IQSEC3: variants seen among roughly 807,000 people sequenced by gnomAD.
IQSEC3 encodes the protein IQ motif and Sec7 domain ArfGEF 3.
A neutral mutation model predicts 105.4 loss-of-function variants in IQSEC3; 50 were observed. That is an observed-to-expected ratio of 0.47 (90% CI 0.38 to 0.60). The LOEUF is 0.60. Ranked by LOEUF, IQSEC3 falls within the 20% of genes least tolerant of loss-of-function variation. IQSEC3 has a pLI of 0.00. For synonymous variants in IQSEC3, 708 were observed against 746.0 expected, an observed-to-expected ratio of 0.95 and a Z score of 0.83; for missense variants, 1,415 against 1,630.0, an observed-to-expected ratio of 0.87 and a Z score of 2.27.
At chr12:88,758 A>G (rs1863994270) in intron 1 of IQSEC3, among the ~76,000 whole-genome samples, 1 of 152,038 alleles carries the variant, frequency 6.6e-6, no homozygotes, top group African/African-American at 2.4e-5. Context: ...AAGGAAATCT[A>G]CCTCTCCCTC....
In IQSEC3 at chr12:177,402, G is replaced by T. The variant is rs1166701476; in HGVS notation, c.*2369G>T. The stretch of plus-strand genomic sequence containing the variant: ...AGCTGAAGCCCCAATCTTCCAAATC[G>T]GAACCAGCAAGTCTTAGGGCTGGCA... On this transcript the variant is annotated 3_prime_UTR_variant, in exon 14 of 14. Coordinates refer to ENST00000538872, the MANE Select transcript of IQSEC3 (RefSeq NM_001170738.2). This position sits in a 1 kb window ranked among gnomAD's most constrained non-coding sequence, Gnocchi z 5.3. 6.6e-6 allele frequency: 1 copy of T among 152,366 alleles called. No homozygotes were observed. The highest frequency in any genetic ancestry group is 1.9e-4 in the East Asian group (1 of 5,172). The allele number at this position is 152,366 out of a possible 1,614,324, so 9.4% of individuals were successfully genotyped here. A position where few individuals can be genotyped will look rare whatever the true frequency, so the allele number is the denominator to read the frequency against.
At chr12:147,161 G>C (rs1480880177) in intron 5 of IQSEC3, among the ~76,000 whole-genome samples, 1 of 152,170 alleles carries the variant, frequency 6.6e-6, no homozygotes, top group East Asian at 1.9e-4. Context: ...CTGTGTGATA[G>C]CTGTGGCTGC....
intron 2 of IQSEC3, among the ~76,000 whole-genome samples, chr12:114,352 T>G (rs772253933): frequency 1.3e-5 from 2 of 152,210 alleles, no homozygotes; most frequent in Non-Finnish European, 2.9e-5. Context: ...CTGAACAACA[T>G]GCTTGCCATA....
At chr12:161,368 G>A (rs1866883026) in intron 7 of IQSEC3, among the ~76,000 whole-genome samples, 1 of 152,112 alleles carries the variant, frequency 6.6e-6, no homozygotes, top group African/African-American at 2.4e-5. Flanking sequence ...GGTGGGACAG[G>A]GGTGTCCTCG....
chr12:121,457 A>G (rs535462308), intron 2 of IQSEC3, among the ~76,000 whole-genome samples: 1 of 152,214 alleles, frequency 6.6e-6, no homozygotes, highest in Non-Finnish European at 1.5e-5. Context: ...GTGCCCTGGC[A>G]AAGCACCAAA....
At chr12:123,300 G>A (rs1017671625) in intron 2 of IQSEC3, among the ~76,000 whole-genome samples, 2 of 152,076 alleles carry the variant, frequency 1.3e-5, no homozygotes, top group African/African-American at 4.8e-5. Flanking sequence ...AGCCCGGTGT[G>A]GTGGTGCGTA....
chr12:86,137 C>T lies in IQSEC3; in HGVS notation c.555-13009C>T, dbSNP rs137981688. ...GAGTGGAAAAAATAGATGTTGCATTCCACTAATGTCTCAGGGAAGCTGCTG... is the reference window on the plus strand; with the variant it reads ...GAGTGGAAAAAATAGATGTTGCATTTCACTAATGTCTCAGGGAAGCTGCTG... On this transcript the variant is annotated intron_variant, in intron 1 of 13. Transcript: ENST00000538872. Among the ~76,000 whole-genome samples, 4 of 152,274 alleles carry T rather than the reference C, an allele frequency of 2.6e-5. No homozygotes were observed. In the East Asian group the frequency reaches 7.7e-4, roughly 29 times the overall value.
At chr12:84,604 T>C (rs1194864776) in intron 1 of IQSEC3, among the ~76,000 whole-genome samples, 1 of 152,220 alleles carries the variant, frequency 6.6e-6, no homozygotes, top group African/African-American at 2.4e-5. Flanking sequence ...GAAGCCTGCA[T>C]GTATATGTGT....
At chr12:126,039 C>A (rs1865393598) in intron 3 of IQSEC3, 127 bp downstream of exon 3, 5 of 1,012,708 alleles carry the variant, frequency 4.9e-6, no homozygotes, top group Non-Finnish European at 5.6e-6. Flanking sequence ...TGCCACAGTT[C>A]TCCTGCATTG....
chr12:113,220 T>A (rs1864950865), intron 2 of IQSEC3, among the ~76,000 whole-genome samples: 1 of 152,238 alleles, frequency 6.6e-6, no homozygotes, highest in South Asian at 2.1e-4. Context: ...GCATCGATAC[T>A]GCATTTTCCG....
intron 1 of IQSEC3, among the ~76,000 whole-genome samples, chr12:67,658 C>A (rs1863152183): frequency 7.0e-6 from 1 of 142,278 alleles, no homozygotes; most frequent in South Asian, 2.1e-4. Flanking sequence ...AGTAACCAGA[C>A]CATTAGTAGG....
intron 1 of IQSEC3, among the ~76,000 whole-genome samples, chr12:73,846 T>C (rs1863420867): frequency 6.6e-6 from 1 of 152,266 alleles, no homozygotes; most frequent in African/African-American, 2.4e-5. Flanking sequence ...GACACAGGAA[T>C]GTTGAGCATA....
chr12:118,191 C>T (rs184707719), intron 2 of IQSEC3, among the ~76,000 whole-genome samples: 130 of 152,306 alleles, frequency 8.5e-4, no homozygotes, highest in Non-Finnish European at 1.5e-3. Context: ...GTGCCCTCTC[C>T]ACCACCTTGG....
In IQSEC3 at chr12:169,037, CA is replaced by C; in HGVS notation, c.2999del (p.Lys1000ArgfsTer115). On this transcript the variant is annotated frameshift_variant, in exon 12 of 14. Coordinates refer to ENST00000538872, the MANE Select transcript of IQSEC3 (RefSeq NM_001170738.2). LOFTEE classifies it high-confidence loss of function. ...IEWELEKQQG[T>X]KTLSFKPCGA... ...GGGGAGCTGGAGAAGCAGCAGGGAACAAAGACACTCTCCTTCAAGCCCTGCG... is the reference window on the plus strand; with the variant it reads ...GGGGAGCTGGAGAAGCAGCAGGGAACAAGACACTCTCCTTCAAGCCCTGCG... 4 of 1,614,112 alleles carry C rather than the reference CA, an allele frequency of 2.5e-6. No individual in the cohort carries two copies. In the South Asian group the frequency reaches 3.3e-5, roughly 13 times the overall value.
At position 176,772 on chromosome 12, in the gene IQSEC3, T is replaced by C. The variant is rs116609263; in HGVS notation, c.*1739T>C. 0.021 allele frequency: 3,269 copies of C among 152,486 alleles called. 46 individuals carry two copies. Among genetic ancestry groups the C allele is most frequent in the Middle Eastern group, 0.069 (21 of 304 alleles). The allele number at this position is 152,486 out of a possible 1,614,324, so 9.4% of individuals were successfully genotyped here. A position where few individuals can be genotyped will look rare whatever the true frequency, so the allele number is the denominator to read the frequency against. On this transcript the variant is annotated 3_prime_UTR_variant, in exon 14 of 14. Transcript: ENST00000538872. The surrounding 1 kb of genome is among the most constrained non-coding windows in gnomAD (Gnocchi z 4.0). Reference sequence around the variant, plus strand: ...CCAGCCCATCTGCCCCTCTGTGTCCTTGCTGCCCTGGCCCTCCTCTGTTTT... The same window carrying C: ...CCAGCCCATCTGCCCCTCTGTGTCCCTGCTGCCCTGGCCCTCCTCTGTTTT...
chr12:117,245 CTG>C (rs1865077601), intron 2 of IQSEC3, among the ~76,000 whole-genome samples: 1 of 152,152 alleles, frequency 6.6e-6, no homozygotes, highest in African/African-American at 2.4e-5. Flanking sequence ...GTACAGTGAG[CTG>C]TGTCTGCCTG....
chr12:141,105 T>TCCCCCCC lies in IQSEC3; in HGVS notation c.1992-15_1992-14insCCCCCCC. 1.3e-6 allele frequency: 2 copies of TCCCCCCC among 1,578,018 alleles called. No individual in the cohort carries two copies. Among genetic ancestry groups the TCCCCCCC allele is most frequent in the South Asian group, 1.1e-5 (1 of 89,270 alleles). On this transcript the variant is annotated intron_variant, in intron 4 of 13. Coordinates refer to ENST00000538872, the MANE Select transcript of IQSEC3 (RefSeq NM_001170738.2). The stretch of plus-strand genomic sequence containing the variant: ...GCTTCAGCTCACTCTCTACTGCTTC[T>TCCCCCCC]CCCCACCCCCACCTCCAGAAACCCC...
intron 13 of IQSEC3, among the ~76,000 whole-genome samples, chr12:173,840 T>C (rs1939133917): frequency 6.6e-6 from 1 of 152,122 alleles, no homozygotes; most frequent in Non-Finnish European, 1.5e-5. Context: ...GTGACCTCCA[T>C]GGTCTGAGGG....
At chr12:107,882 C>T (rs1396356454) in intron 2 of IQSEC3, among the ~76,000 whole-genome samples, 15 of 152,138 alleles carry the variant, frequency 9.9e-5, no homozygotes, top group Non-Finnish European at 2.2e-4. Context: ...TATCAGTTCT[C>T]TCCTTGTGAG....
Sources: gnomAD v4.1 joint callset for allele counts (sites outside exome capture counted in the v4.1 genomes callset) on GRCh38, gnomAD v4.1.1 for gene constraint, Gnocchi (gnomAD v3.1) non-coding constraint, MANE v1.5 for transcripts, NCBI Gene and HGNC (gene_info 2026-07-23, HGNC 2026-07-21) for gene names.